Variants in METTL15 observed in about 807,000 individuals in gnomAD.
METTL15 encodes methyltransferase 15, mitochondrial 12S rRNA N4-cytidine, also known as 12S rRNA N(4)-cytidine methyltransferase METTL15.
A neutral mutation model predicts 38.3 loss-of-function variants in METTL15; 34 were observed. The observed-to-expected ratio is 0.89, with a 90% CI of 0.68 to 1.18. METTL15 has a LOEUF of 1.18. Among genes scored for constraint, METTL15 ranks in the 50% most tolerant of loss-of-function variants. The probability of loss-of-function intolerance (pLI) is 0.00; values close to 1 mark genes in which losing one functional copy is unlikely to be tolerated. For synonymous variants in METTL15, 162 were observed against 170.9 expected, an observed-to-expected ratio of 0.95 and a Z score of 0.41; for missense variants, 438 against 498.4, an observed-to-expected ratio of 0.88 and a Z score of 1.15.
intron 6 of METTL15, among the ~76,000 whole-genome samples, chr11:28,470,072 C>G (rs966975110): frequency 1.3e-4 from 20 of 152,046 alleles, no homozygotes. Context: ...AATGTAGACT[C>G]TCTTACTAGA....
chr11:28,531,182 A>G (rs1851841592), downstream of METTL15, among the ~76,000 whole-genome samples: 1 of 152,038 alleles, frequency 6.6e-6, no homozygotes, highest in African/African-American at 2.4e-5. Flanking sequence ...TTACTATATA[A>G]TCTGATGCTA....
chr11:28,195,692 G>GT (rs1851884392), intron 3 of METTL15, among the ~76,000 whole-genome samples: 1 of 151,944 alleles, frequency 6.6e-6, no homozygotes, highest in Admixed American at 6.6e-5. Flanking sequence ...TTCTTTTGCT[G>GT]TGCAGAAGCA....
At chr11:28,159,331 C>T (rs1314250369) in intron 3 of METTL15, among the ~76,000 whole-genome samples, 1 of 151,920 alleles carries the variant, frequency 6.6e-6, no homozygotes, top group African/African-American at 2.4e-5. Context: ...TAGGGCATCT[C>T]TTAGTATTAC....
At chr11:28,204,218 AT>A (rs1343695029) in intron 3 of METTL15, among the ~76,000 whole-genome samples, 1 of 151,844 alleles carries the variant, frequency 6.6e-6, no homozygotes, top group Non-Finnish European at 1.5e-5. Context: ...TGGTTTGTAT[AT>A]TTTCTACTTT....
chr11:28,253,130 C>T (rs1458047243), intron 4 of METTL15, among the ~76,000 whole-genome samples: 1 of 152,098 alleles, frequency 6.6e-6, no homozygotes, highest in Non-Finnish European at 1.5e-5. Context: ...TTTATATCCC[C>T]AGCCCTAACC....
intron 4 of METTL15, among the ~76,000 whole-genome samples, chr11:28,219,944 G>C (rs953452443): frequency 6.6e-6 from 1 of 152,066 alleles, no homozygotes; most frequent in Non-Finnish European, 1.5e-5. Context: ...TATAATTTCT[G>C]TTCTTTAACA....
intron 3 of METTL15, among the ~76,000 whole-genome samples, chr11:28,130,352 C>T (rs972111213): frequency 2.6e-5 from 4 of 151,760 alleles, no homozygotes; most frequent in South Asian, 2.1e-4. Context: ...GGCAGCCTTG[C>T]GTAGGGTGAT....
chr11:28,261,720 G>C (rs549011862), intron 4 of METTL15, among the ~76,000 whole-genome samples: 1 of 152,194 alleles, frequency 6.6e-6, no homozygotes, highest in East Asian at 1.9e-4. Context: ...GTTTTCTAGA[G>C]TCAGGAGTAA....
At chr11:28,188,888 T>C (rs565290383) in intron 3 of METTL15, among the ~76,000 whole-genome samples, 4 of 151,302 alleles carry the variant, frequency 2.6e-5, no homozygotes, top group Non-Finnish European at 4.4e-5. Context: ...TAAAGGAAAC[T>C]GTGATTATTC....
chr11:28,213,435 A>G (rs1361294945), intron 4 of METTL15, among the ~76,000 whole-genome samples: 2 of 152,050 alleles, frequency 1.3e-5, no homozygotes, highest in Non-Finnish European at 2.9e-5. Context: ...TAAGTTCATC[A>G]TAAGATAATA....
At chr11:28,186,215 A>G (rs1040832030) in intron 3 of METTL15, among the ~76,000 whole-genome samples, 18 of 151,216 alleles carry the variant, frequency 1.2e-4, no homozygotes, top group Admixed American at 6.6e-5. Flanking sequence ...AATAGAAGTC[A>G]TTGCTGATTT....
chr11:28,496,341 C>A (rs1217717749), intron 6 of METTL15, among the ~76,000 whole-genome samples: 4 of 152,172 alleles, frequency 2.6e-5, no homozygotes, highest in Non-Finnish European at 5.9e-5. Flanking sequence ...TATGTGGGAA[C>A]CACCCCCATG....
intron 6 of METTL15, among the ~76,000 whole-genome samples, chr11:28,325,318 C>G (rs917999500): frequency 6.6e-6 from 1 of 152,218 alleles, no homozygotes; most frequent in African/African-American, 2.4e-5. Flanking sequence ...GACCAAAGCA[C>G]AGCCATGTTC....
rs151032141 is a variant in METTL15 at position 28,246,970 on chromosome 11, A to G, written c.407+35772A>G. ...AAGCATTTTTGAACAACTTTAGCAT[A>G]TAAATTGCCTCTTTCACTGTGTATT... On this transcript the variant is annotated intron_variant, in intron 4 of 6. Coordinates refer to ENST00000407364, the MANE Select transcript of METTL15 (RefSeq NM_001113528.2). Among the ~76,000 whole-genome samples the G allele has an allele frequency of 2.0e-5, 3 of 152,324 alleles. No homozygotes were observed. The East Asian group carries it at 5.8e-4, about 29-fold the overall frequency.
chr11:28,402,770 A>T (rs1205970033), intron 5 of METTL15, among the ~76,000 whole-genome samples: 1 of 151,862 alleles, frequency 6.6e-6, no homozygotes, highest in Non-Finnish European at 1.5e-5. Context: ...TGGGCTTTTA[A>T]TGTAGCCATA....
chr11:28,166,215 T>C (rs1356670370), intron 3 of METTL15, among the ~76,000 whole-genome samples: 2 of 152,146 alleles, frequency 1.3e-5, no homozygotes, highest in Non-Finnish European at 2.9e-5. Context: ...TATTGTAAAC[T>C]CAATGTTTTC....
chr11:28,142,583 A>C (rs1300136595), intron 3 of METTL15, among the ~76,000 whole-genome samples: 3 of 152,284 alleles, frequency 2.0e-5, no homozygotes, highest in East Asian at 1.9e-4. Flanking sequence ...AGCTTAGCCC[A>C]AAACAGTAGA....
chr11:28,441,435 C>T (rs1851034084), intron 6 of METTL15, among the ~76,000 whole-genome samples: 1 of 152,174 alleles, frequency 6.6e-6, no homozygotes, highest in Non-Finnish European at 1.5e-5. Context: ...TTTGAAGCCA[C>T]TCTGGTACTT....
At chr11:28,448,251 T>A (rs1851091144) in intron 6 of METTL15, among the ~76,000 whole-genome samples, 1 of 152,218 alleles carries the variant, frequency 6.6e-6, no homozygotes, top group Admixed American at 6.5e-5. Context: ...TTTGTTGGTA[T>A]CTTTGTTCTG....
Sources: gnomAD v4.1 joint callset for allele counts (sites outside exome capture counted in the v4.1 genomes callset) on GRCh38, gnomAD v4.1.1 for gene constraint, MANE v1.5 for transcripts, NCBI Gene and HGNC (gene_info 2026-07-23, HGNC 2026-07-21) for gene names.